PRKX: variants seen among roughly 807,000 people sequenced by gnomAD.
PRKX encodes protein kinase cAMP-dependent X-linked catalytic subunit, also known as cAMP-dependent protein kinase catalytic subunit PRKX.
A neutral mutation model predicts 22.0 loss-of-function variants in PRKX; 12 were observed. That is an observed-to-expected ratio of 0.54 (90% confidence interval 0.35 to 0.88). The LOEUF (loss-of-function observed/expected upper bound fraction) is 0.88. Ranked by LOEUF, PRKX falls within the 40% of genes least tolerant of loss-of-function variation. The pLI, the probability that PRKX is intolerant of heterozygous loss-of-function variation, is 0.01. For missense variants in PRKX, 217 were observed against 308.0 expected (o/e 0.70, Z 2.21); for synonymous variants, 134 against 137.7 (o/e 0.97, Z 0.19).
At chrX:3,650,073 C>T (rs956564623) in intron 3 of PRKX, among the ~76,000 whole-genome samples, 3 of 110,072 alleles carry the variant, frequency 2.7e-5, no homozygotes, top group Admixed American at 9.7e-5. Context: ...CCTGCAAGTT[C>T]GAGGCTGTGG....
rs1927538371 is a variant in PRKX at position 3,659,179 on chromosome X, A to G, written c.336-3767T>C. ...GGTGGGAAGATCATTTGAGCCCAGG[A>G]ATTGGAGGCTGCAGTGAGCTATGAT... On this transcript the variant is annotated intron_variant, in intron 2 of 8. Transcript: ENST00000262848. Among the ~76,000 whole-genome samples, 5 of 109,309 alleles carry G rather than the reference A, an allele frequency of 4.6e-5. No individual in the cohort carries two copies. The South Asian group carries it at 2.0e-3, about 44-fold the overall frequency. 94.9% of individuals were successfully genotyped at this position (109,309 alleles called of 115,157 possible).
In PRKX at chrX:3,616,890, G is replaced by GAATAA. The variant is rs201841598; in HGVS notation, c.874-1003_874-999dup. On this transcript the variant is annotated intron_variant, in intron 6 of 8. Coordinates refer to ENST00000262848, the MANE Select transcript of PRKX (RefSeq NM_005044.5). The stretch of plus-strand genomic sequence containing the variant: ...ATAAATAAGAGTGCTGTGAATAAGA[G>GAATAA]AATAAAATAAATTTTATCCATCAGA... 7.5e-3 allele frequency among the ~76,000 whole-genome samples: 835 copies of GAATAA among 111,213 alleles called. 8 individuals are homozygous for GAATAA. The highest frequency in any genetic ancestry group is 0.026 in the African/African-American group (799 of 30,621).
chrX:3,700,643 A>G (rs777414115), intron 1 of PRKX, among the ~76,000 whole-genome samples: 5 of 109,363 alleles, frequency 4.6e-5, no homozygotes, highest in Non-Finnish European at 7.6e-5. Context: ...CAATGGTGCA[A>G]TCATAGCTCA....
At chrX:3,635,159 C>T (rs1419079115) in intron 4 of PRKX, among the ~76,000 whole-genome samples, 5 of 111,845 alleles carry the variant, frequency 4.5e-5, no homozygotes, top group African/African-American at 9.8e-5. Flanking sequence ...ATGTAGTCAG[C>T]GCGGACAGCT....
intron 1 of PRKX, among the ~76,000 whole-genome samples, chrX:3,709,222 T>C (rs1460923118): frequency 9.3e-6 from 1 of 107,521 alleles, no homozygotes; most frequent in Non-Finnish European, 1.9e-5. Context: ...AGGTATGTGT[T>C]CTCTTTAATA....
intron 6 of PRKX, among the ~76,000 whole-genome samples, chrX:3,618,912 A>T (rs781730703): frequency 4.5e-5 from 5 of 111,941 alleles, no homozygotes; most frequent in South Asian, 3.8e-4. Flanking sequence ...CAATCTTATG[A>T]AGAGCCGTGG....
intron 1 of PRKX, among the ~76,000 whole-genome samples, chrX:3,681,329 G>A (rs1382592119): frequency 1.8e-5 from 2 of 110,629 alleles, no homozygotes; most frequent in African/African-American, 6.6e-5. Context: ...GACCAGCCAG[G>A]GCAACATAGT....
intron 2 of PRKX, 126 bp from the exon 3 acceptor site, chrX:3,655,538 C>T: frequency 1.2e-5 from 9 of 772,728 alleles, no homozygotes; most frequent in Middle Eastern, 3.2e-4. Flanking sequence ...ACAGTAATAG[C>T]TGGGGACAGA....
chrX:3,674,657 T>C lies in PRKX; in HGVS notation c.276A>G (p.Gln92=), dbSNP rs772359612. The C allele has an allele frequency of 9.9e-6, 12 of 1,209,794 alleles. No homozygotes were observed. Among genetic ancestry groups the C allele is most frequent in the Middle Eastern group, 4.6e-4 (2 of 4,372 alleles). Residue 92 remains glutamine (Q), a synonymous_variant, in exon 2 of 9, where the codon CAA becomes CAG. Transcript: ENST00000262848. ...IPDVIRLKQE[Q]HVHNEKSVLK... is the part of the protein sequence containing the mutation. The stretch of plus-strand genomic sequence containing the variant: ...GGACAGACTTCTCATTGTGTACGTG[T>C]TGCTCCTGCTTTAGGCGGATGACGT...
intron 3 of PRKX, among the ~76,000 whole-genome samples, chrX:3,647,480 A>T (rs112207982): frequency 9.4e-6 from 1 of 105,883 alleles, no homozygotes; most frequent in Non-Finnish European, 1.9e-5. Context: ...ATATTAGTAT[A>T]TTAATATATA....
At chrX:3,697,281 G>C (rs1156458713) in intron 1 of PRKX, among the ~76,000 whole-genome samples, 1 of 109,491 alleles carries the variant, frequency 9.1e-6, no homozygotes, top group Non-Finnish European at 1.9e-5. Flanking sequence ...CACGAGGACT[G>C]CTTGAGCCCA....
chrX:3,646,487 G>A (rs189790137), intron 3 of PRKX, among the ~76,000 whole-genome samples: 3 of 111,529 alleles, frequency 2.7e-5, no homozygotes, highest in Non-Finnish European at 3.8e-5. Flanking sequence ...GCTGATTACA[G>A]CTTTTACACT....
At chrX:3,639,650 C>T (rs933233927) in intron 4 of PRKX, among the ~76,000 whole-genome samples, 1 of 108,791 alleles carries the variant, frequency 9.2e-6, no homozygotes, top group Non-Finnish European at 1.9e-5. Flanking sequence ...GGATGATAAA[C>T]AATACACATG....
At chrX:3,649,440 T>C (rs1258983030) in intron 3 of PRKX, among the ~76,000 whole-genome samples, 1 of 100,283 alleles carries the variant, frequency 1.0e-5, no homozygotes, top group African/African-American at 3.7e-5. Flanking sequence ...AAACGTAATA[T>C]TGCTGTTAGA....
At chrX:3,674,213 C>T (rs1467301052) in intron 2 of PRKX, among the ~76,000 whole-genome samples, 2 of 111,004 alleles carry the variant, frequency 1.8e-5, no homozygotes, top group Non-Finnish European at 3.8e-5. Context: ...GCCCCGTCCA[C>T]GTGACTGTGG....
chrX:3,643,585 C>T (rs1927129243), intron 3 of PRKX, among the ~76,000 whole-genome samples: 2 of 110,982 alleles, frequency 1.8e-5, no homozygotes, highest in Admixed American at 1.9e-4. Context: ...TCCACCCTTC[C>T]TGCCAAGTGC....
chrX:3,647,389 T>C (rs1477057439), intron 3 of PRKX, among the ~76,000 whole-genome samples: 1 of 105,971 alleles, frequency 9.4e-6, no homozygotes, highest in Non-Finnish European at 1.9e-5. Context: ...TTATTATATA[T>C]TTAATTGTAT....
At chrX:3,674,827 C>T in intron 1 of PRKX, 61 bp from the exon 2 acceptor site, 1 of 1,166,629 alleles carries the variant, frequency 8.6e-7, no homozygotes, top group Non-Finnish European at 1.2e-6. Flanking sequence ...GAAACCACCA[C>T]AGCCATGCAA....
chrX:3,623,151 CGTGTGTGTGTGT>C (rs60593114), intron 5 of PRKX, among the ~76,000 whole-genome samples: 5 of 96,116 alleles, frequency 5.2e-5, no homozygotes, highest in African/African-American at 7.7e-5. Context: ...TAAATTTCAA[CGTGTGTGTGTGT>C]GTGTGTGTGT....
Sources: gnomAD v4.1 joint callset for allele counts (sites outside exome capture counted in the v4.1 genomes callset) on GRCh38, gnomAD v4.1.1 for gene constraint, MANE v1.5 for transcripts, NCBI Gene and HGNC (gene_info 2026-07-23, HGNC 2026-07-21) for gene names.